Variants in LSM8 observed in about 807,000 individuals in gnomAD.
LSM8 encodes LSM8 U6 small nuclear RNA associated.
Under a neutral mutation model 15.0 loss-of-function variants are expected in LSM8, and 14 were observed. That is an observed-to-expected ratio of 0.93 (90% CI 0.62 to 1.46). The LOEUF (loss-of-function observed/expected upper bound fraction) is 1.46. Ranked by LOEUF, LSM8 falls within the 40% of genes most tolerant of loss-of-function variation. The probability of loss-of-function intolerance (pLI) is 0.00; values close to 1 mark genes in which losing one functional copy is unlikely to be tolerated. For synonymous variants in LSM8, 50 were observed against 42.1 expected (o/e 1.19, Z -0.73); for missense variants, 90 against 115.4 (o/e 0.78, Z 1.01).
chr7:118,185,558 T>C (rs1808872606), intron 1 of LSM8, 96 bp from the exon 2 acceptor site: 1 of 1,096,742 alleles, frequency 9.1e-7, no homozygotes. Context: ...TATACCTAGT[T>C]GTCATATTTA....
intron 1 of LSM8, 39 bp from the exon 2 acceptor site, chr7:118,185,615 G>T (rs1362736819): frequency 1.3e-6 from 2 of 1,543,058 alleles, no homozygotes; most frequent in Non-Finnish European, 1.8e-6. Context: ...TTTTCAATTT[G>T]CATTCCCTAA....
At position 118,198,428 on chromosome 7, in the gene LSM8, A is replaced by G. The variant is rs572811098; in HGVS notation, c.*6426A>G. On this transcript the variant is annotated 3_prime_UTR_variant, in exon 4 of 4. Transcript: ENST00000249299. ...AAAGAAAGAAGAATAAACCTTAACAACTCATTAGTAATCCTTCATTTCCTG... is the reference window on the plus strand; with the variant it reads ...AAAGAAAGAAGAATAAACCTTAACAGCTCATTAGTAATCCTTCATTTCCTG... 1.7e-4 allele frequency among the ~76,000 whole-genome samples: 26 copies of G among 152,270 alleles called. No homozygotes were observed. Among genetic ancestry groups the G allele is most frequent in the African/African-American group, 5.5e-4 (23 of 41,576 alleles).
Position 118,194,650 on chromosome 7 carries a change from T to C in LSM8, c.*2648T>C, listed in dbSNP as rs1333051965. ...ATTTAATGCAAATACAGAATAACGA[T>C]GTCAACATTTTCCTCAGCCGTGTAA... On this transcript the variant is annotated 3_prime_UTR_variant, in exon 4 of 4. Coordinates refer to ENST00000249299, the MANE Select transcript of LSM8 (RefSeq NM_016200.5). 6.6e-6 allele frequency among the ~76,000 whole-genome samples: 1 copy of C among 152,138 alleles called. No individual in the cohort carries two copies. The highest frequency in any genetic ancestry group is 2.4e-5 in the African/African-American group (1 of 41,450).
chr7:118,185,617 A>G, intron 1 of LSM8, 37 bp from the exon 2 acceptor site: 1 of 1,555,792 alleles, frequency 6.4e-7, no homozygotes, highest in Non-Finnish European at 8.8e-7. Context: ...TTCAATTTGC[A>G]TTCCCTAAGA....
chr7:118,195,126 T>A lies in LSM8; in HGVS notation c.*3124T>A, dbSNP rs1165515784. 6.6e-6 allele frequency among the ~76,000 whole-genome samples: 1 copy of A among 152,084 alleles called. No homozygotes were observed. The highest frequency in any genetic ancestry group is 1.5e-5 in the Non-Finnish European group (1 of 67,994). On this transcript the variant is annotated 3_prime_UTR_variant, in exon 4 of 4. Transcript: ENST00000249299. ...CCGTTTTCATTACAATTACCTAAGG[T>A]GCTTTAAAAATTTTCTTGGGCCCTA...
At position 118,197,431 on chromosome 7, in the gene LSM8, A is replaced by G. The variant is rs768110827; in HGVS notation, c.*5429A>G. 1.4e-5 allele frequency among the ~76,000 whole-genome samples: 1 copy of G among 73,966 alleles called. No homozygotes were observed. Among genetic ancestry groups the G allele is most frequent in the Non-Finnish European group, 2.7e-5 (1 of 36,576 alleles). The allele number at this position is 73,966 out of a possible 152,430, so 48.5% of individuals were successfully genotyped here. ...TGATATATGAAAATATGCACAAGCT[A>G]TCATGTTTCATCTCATATCAACAAA... is the stretch of plus-strand genomic sequence containing the variant. On this transcript the variant is annotated 3_prime_UTR_variant, in exon 4 of 4. Coordinates refer to ENST00000249299, the MANE Select transcript of LSM8 (RefSeq NM_016200.5).
In LSM8 at chr7:118,194,520, C is replaced by G. The variant is rs896796149; in HGVS notation, c.*2518C>G. On this transcript the variant is annotated 3_prime_UTR_variant, in exon 4 of 4. Transcript: ENST00000249299. ...CAGAAGAGCAAGAGAGAAAGTTTTA[C>G]TAATATTTGCTTAAACATCCTGTTT... is the stretch of plus-strand genomic sequence containing the variant. Among the ~76,000 whole-genome samples the G allele has an allele frequency of 6.6e-6, 1 of 152,130 alleles. No individual in the cohort carries two copies. Among genetic ancestry groups the G allele is most frequent in the African/African-American group, 2.4e-5 (1 of 41,444 alleles).
rs997069071 is a variant in LSM8 at position 118,200,855 on chromosome 7, T to A, written c.*8853T>A. The stretch of plus-strand genomic sequence containing the variant: ...ATTCTCCCATCCCAGTTTCTACTTG[T>A]TTCTTGTAAAAAAGGAGGTTTCTAA... On this transcript the variant is annotated 3_prime_UTR_variant, in exon 4 of 4. Coordinates refer to ENST00000249299, the MANE Select transcript of LSM8 (RefSeq NM_016200.5). 2.0e-5 allele frequency among the ~76,000 whole-genome samples: 3 copies of A among 152,090 alleles called. No homozygotes were observed. The highest frequency in any genetic ancestry group is 6.6e-5 in the Admixed American group (1 of 15,240).
Position 118,192,723 on chromosome 7 carries a change from T to G in LSM8, c.*721T>G, listed in dbSNP as rs954169024. 6.6e-6 allele frequency: 1 copy of G among 152,144 alleles called. No individual in the cohort carries two copies. The highest frequency in any genetic ancestry group is 2.4e-5 in the African/African-American group (1 of 41,456). 9.4% of individuals were successfully genotyped at this position (152,144 alleles called of 1,614,324 possible). ...TACAGACAGTATATTTGAAAAAAATTGATTCCATGTAGTCTTCAATTTTTA... is the reference window on the plus strand; with the variant it reads ...TACAGACAGTATATTTGAAAAAAATGGATTCCATGTAGTCTTCAATTTTTA... On this transcript the variant is annotated 3_prime_UTR_variant, in exon 4 of 4. Coordinates refer to ENST00000249299, the MANE Select transcript of LSM8 (RefSeq NM_016200.5).
chr7:118,190,777 C>T lies in LSM8; in HGVS notation c.201-1135C>T, dbSNP rs1007657309. 7 of 152,008 alleles carry T rather than the reference C, an allele frequency of 4.6e-5. No homozygotes were observed. The East Asian group carries it at 1.3e-3, about 29-fold the overall frequency. 9.4% of individuals were successfully genotyped at this position (152,008 alleles called of 1,614,324 possible). On this transcript the variant is annotated intron_variant, in intron 3 of 3. Transcript: ENST00000249299. ...ATTTAAGACTTTATATACTTTAAAG[C>T]AAAATTTGGCAAATCCCTTATTACT...
rs1207458364 is a variant in LSM8 at position 118,195,035 on chromosome 7, A to G, written c.*3033A>G. Among the ~76,000 whole-genome samples the G allele has an allele frequency of 1.3e-5, 2 of 152,194 alleles. No individual in the cohort carries two copies. Among genetic ancestry groups the G allele is most frequent in the South Asian group, 2.1e-4 (1 of 4,830 alleles). The stretch of plus-strand genomic sequence containing the variant: ...ATAGTCTTAAAATCTGCTATCAAGC[A>G]TCTATCAGAAGCCTGATGAGAAATA... On this transcript the variant is annotated 3_prime_UTR_variant, in exon 4 of 4. Coordinates refer to ENST00000249299, the MANE Select transcript of LSM8 (RefSeq NM_016200.5).
At chr7:118,186,708 A>C (rs2116318826) in intron 2 of LSM8, among the ~76,000 whole-genome samples, 1 of 152,302 alleles carries the variant, frequency 6.6e-6, no homozygotes, top group African/African-American at 2.4e-5. Flanking sequence ...ACAGAACCAA[A>C]CTGGGATTTA....
At position 118,195,127 on chromosome 7, in the gene LSM8, G is replaced by T. The variant is rs530500586; in HGVS notation, c.*3125G>T. Among the ~76,000 whole-genome samples the T allele has an allele frequency of 6.6e-6, 1 of 152,230 alleles. No individual in the cohort carries two copies. The highest frequency in any genetic ancestry group is 2.4e-5 in the African/African-American group (1 of 41,536). On this transcript the variant is annotated 3_prime_UTR_variant, in exon 4 of 4. Transcript: ENST00000249299. ...CGTTTTCATTACAATTACCTAAGGTGCTTTAAAAATTTTCTTGGGCCCTAC... is the reference window on the plus strand; with the variant it reads ...CGTTTTCATTACAATTACCTAAGGTTCTTTAAAAATTTTCTTGGGCCCTAC...
rs188493335 is a variant in LSM8 at position 118,187,356 on chromosome 7, T to C, written c.73-922T>C. On this transcript the variant is annotated intron_variant, in intron 2 of 3. Coordinates refer to ENST00000249299, the MANE Select transcript of LSM8 (RefSeq NM_016200.5). ...TCTGTTATGCTAGACCCATGTCTTC[T>C]TTTATTCAATACTAAGCTTTCATAA... Among the ~76,000 whole-genome samples the C allele has an allele frequency of 1.7e-3, 263 of 152,348 alleles. 1 individual carries two copies. Among genetic ancestry groups the C allele is most frequent in the Non-Finnish European group, 2.2e-3 (148 of 68,020 alleles).
chr7:118,190,134 T>G (rs1208200296), intron 3 of LSM8: 2 of 152,198 alleles, frequency 1.3e-5, no homozygotes, highest in South Asian at 2.1e-4. Flanking sequence ...AGGAATAATT[T>G]ACTCATTTAA....
At position 118,192,161 on chromosome 7, in the gene LSM8, A is replaced by G. The variant is rs1397368219; in HGVS notation, c.*159A>G. 6.3e-6 allele frequency: 3 copies of G among 477,100 alleles called. No homozygotes were observed. The highest frequency in any genetic ancestry group is 4.2e-5 in the Admixed American group (1 of 23,726). The allele number at this position is 477,100 out of a possible 1,614,324, so 29.6% of individuals were successfully genotyped here. On this transcript the variant is annotated 3_prime_UTR_variant, in exon 4 of 4. Transcript: ENST00000249299. Reference sequence around the variant, plus strand: ...AATATTTCTACATTTTATTGAAAAAAAAACCTTTTTTTTTGCCTAAATATA... The same window carrying G: ...AATATTTCTACATTTTATTGAAAAAGAAACCTTTTTTTTTGCCTAAATATA...
rs1039033100 is a variant in LSM8, at chr7:118,196,465, C to A, written c.*4463C>A. Among the ~76,000 whole-genome samples the A allele has an allele frequency of 1.3e-5, 2 of 151,872 alleles. No homozygotes were observed. Among genetic ancestry groups the A allele is most frequent in the Non-Finnish European group, 2.9e-5 (2 of 67,994 alleles). On this transcript the variant is annotated 3_prime_UTR_variant, in exon 4 of 4. Transcript: ENST00000249299. ...GGTTGCATAATTCTAAGGATAAAGG[C>A]GAAATAGGACTTCACCAGGAGAATT...
rs1018100725 is a variant in LSM8, at chr7:118,200,863, A to G, written c.*8861A>G. 6.6e-6 allele frequency among the ~76,000 whole-genome samples: 1 copy of G among 152,008 alleles called. No homozygotes were observed. Among genetic ancestry groups the G allele is most frequent in the Non-Finnish European group, 1.5e-5 (1 of 67,960 alleles). On this transcript the variant is annotated 3_prime_UTR_variant, in exon 4 of 4. Transcript: ENST00000249299. ...ATCCCAGTTTCTACTTGTTTCTTGT[A>G]AAAAAGGAGGTTTCTAAATCTTGAC...
Position 118,184,181 on chromosome 7 carries a change from T to C in LSM8, c.-43T>C, listed in dbSNP as rs370661837. ...GGCGCGCCCTTTCAGTTCTGCTTGC[T>C]GTCGGCACCGCTGCGTTACCCGGAA... is the stretch of plus-strand genomic sequence containing the variant. On this transcript the variant is annotated 5_prime_UTR_variant, in exon 1 of 4. Transcript: ENST00000249299. The C allele has an allele frequency of 5.2e-4, 808 of 1,544,666 alleles. No individual in the cohort carries two copies. The highest frequency in any genetic ancestry group is 6.1e-4 in the Non-Finnish European group (694 of 1,144,014).
Sources: allele counts gnomAD v4.1 joint callset (sites outside exome capture counted in the v4.1 genomes callset), GRCh38; gene constraint gnomAD v4.1.1; transcripts MANE v1.5; gene names NCBI Gene and HGNC (gene_info 2026-07-23, HGNC 2026-07-21).